Variants in LRP1B observed in about 807,000 individuals in gnomAD.
LRP1B encodes the protein LDL receptor related protein 1B, also known as low-density lipoprotein receptor-related protein 1B.
A neutral mutation model predicts 556.6 loss-of-function variants in LRP1B; 217 were observed. The observed-to-expected ratio is 0.39, with a 90% confidence interval of 0.35 to 0.44. LRP1B has a LOEUF of 0.44. LRP1B is among the 20% of genes least tolerant of loss of function. The pLI is 1.00. For missense variants in LRP1B, 5,053 were observed against 5,620.8 expected, an observed-to-expected ratio of 0.90 and a Z score of 3.23; for synonymous variants, 2,047 against 1,865.8, an observed-to-expected ratio of 1.10 and a Z score of -2.50.
At chr2:141,384,615 A>G (rs1425660154) in intron 3 of LRP1B, among the ~76,000 whole-genome samples, 2 of 152,084 alleles carry the variant, frequency 1.3e-5, no homozygotes, top group African/African-American at 4.8e-5. Context: ...TATTGCCTTC[A>G]TGTCTTTATG....
chr2:140,629,481 C>T (rs572656723), intron 41 of LRP1B, among the ~76,000 whole-genome samples: 7 of 150,160 alleles, frequency 4.7e-5, no homozygotes, highest in Admixed American at 2.0e-4. Context: ...TAAAAACAGG[C>T]TTATGTATTC....
chr2:140,559,370 T>C (rs1176147912), intron 43 of LRP1B, among the ~76,000 whole-genome samples: 1 of 152,122 alleles, frequency 6.6e-6, no homozygotes, highest in Non-Finnish European at 1.5e-5. Context: ...ATGTAGAATA[T>C]ATTAAAAGTT....
intron 3 of LRP1B, among the ~76,000 whole-genome samples, chr2:141,400,906 C>T (rs925764823): frequency 2.6e-5 from 4 of 152,180 alleles, no homozygotes; most frequent in African/African-American, 9.7e-5. Context: ...ATCAATCAAG[C>T]CTTACATACC....
intron 1 of LRP1B, among the ~76,000 whole-genome samples, chr2:141,933,131 G>T (rs577483660): frequency 8.2e-4 from 124 of 151,630 alleles, no homozygotes; most frequent in Middle Eastern, 3.4e-3. Context: ...TAATCTACAG[G>T]TTACCTCAGA....
At chr2:140,818,967 G>A (rs1238495293) in intron 31 of LRP1B, among the ~76,000 whole-genome samples, 2 of 145,516 alleles carry the variant, frequency 1.4e-5, no homozygotes, top group African/African-American at 5.2e-5. Context: ...AAAAGAGAAT[G>A]TGCTGAGGAA....
At chr2:141,179,011 G>A (rs1489326063) in intron 7 of LRP1B, among the ~76,000 whole-genome samples, 1 of 151,940 alleles carries the variant, frequency 6.6e-6, no homozygotes, top group African/African-American at 2.4e-5. Flanking sequence ...TAAGAAGATT[G>A]TTCTATTGAT....
Position 140,506,819 on chromosome 2 carries a change from C to A in LRP1B, c.8498G>T (p.Gly2833Val), listed in dbSNP as rs1689435766. Residue 2833 changes from glycine (G) to valine (V), a missense_variant, in exon 53 of 91, where the codon GGC (glycine) becomes GTC (valine). Transcript: ENST00000389484. The stretch of plus-strand genomic sequence containing the variant: ...ACCACACTGCGGTGACTCATCAGAG[C>A]CATCTCCACAGTCGTCATCATGGTC... The part of the protein sequence containing the change: ...VCDHDDDCGD[G>V]SDESPQCGYR... 1 of 1,613,656 alleles carries A rather than the reference C, an allele frequency of 6.2e-7. No homozygotes were observed. The highest frequency in any genetic ancestry group is 1.3e-5 in the African/African-American group (1 of 74,898).
At chr2:140,594,672 A>G (rs1323870287) in intron 43 of LRP1B, among the ~76,000 whole-genome samples, 2 of 152,118 alleles carry the variant, frequency 1.3e-5, no homozygotes, top group Non-Finnish European at 2.9e-5. Context: ...GCTTCTTTCT[A>G]ATCTTTTCAC....
intron 3 of LRP1B, among the ~76,000 whole-genome samples, chr2:141,427,077 A>G (rs1680394195): frequency 6.6e-6 from 1 of 152,108 alleles, no homozygotes; most frequent in Non-Finnish European, 1.5e-5. Context: ...CCCTGTGTCC[A>G]TGAGTTCTCA....
chr2:141,423,748 A>G (rs1023548953), intron 3 of LRP1B, among the ~76,000 whole-genome samples: 29 of 152,228 alleles, frequency 1.9e-4, no homozygotes, highest in African/African-American at 6.0e-4. Flanking sequence ...CTATGCTTTA[A>G]AACAAACATT....
chr2:141,365,869 T>G (rs1338491473), intron 3 of LRP1B, among the ~76,000 whole-genome samples: 1 of 152,036 alleles, frequency 6.6e-6, no homozygotes, highest in Non-Finnish European at 1.5e-5. Flanking sequence ...GAGACGGGGT[T>G]TCACCGTGTT....
chr2:141,005,646 A>G (rs1697552017), intron 14 of LRP1B, among the ~76,000 whole-genome samples, 189 bp from the exon 15 acceptor site: 1 of 152,082 alleles, frequency 6.6e-6, no homozygotes, highest in Admixed American at 6.6e-5. Context: ...ATTGGTAGAT[A>G]AGGAGAATTT....
At chr2:140,604,792 G>T (rs1348644865) in intron 41 of LRP1B, among the ~76,000 whole-genome samples, 1 of 151,760 alleles carries the variant, frequency 6.6e-6, no homozygotes, top group African/African-American at 2.4e-5. Flanking sequence ...GGGGGTAATT[G>T]AATCACAGTG....
At chr2:140,940,207 A>G (rs1294341536) in intron 20 of LRP1B, among the ~76,000 whole-genome samples, 1 of 152,030 alleles carries the variant, frequency 6.6e-6, no homozygotes, top group African/African-American at 2.4e-5. Context: ...ATTGTTACAA[A>G]CATTTCTGAA....
intron 3 of LRP1B, among the ~76,000 whole-genome samples, chr2:141,415,586 T>A (rs1037765966): frequency 4.6e-5 from 7 of 152,228 alleles, no homozygotes; most frequent in African/African-American, 1.4e-4. Flanking sequence ...TAGATTTATT[T>A]TATTTTTCCT....
chr2:140,746,659 G>GT (rs1021598565), intron 35 of LRP1B, among the ~76,000 whole-genome samples: 11 of 151,982 alleles, frequency 7.2e-5, no homozygotes, highest in African/African-American at 1.9e-4. Context: ...GCCATGTTTT[G>GT]TTTTTTTCTC....
intron 6 of LRP1B, among the ~76,000 whole-genome samples, chr2:141,216,910 C>A (rs575503015): frequency 1.3e-5 from 2 of 152,194 alleles, no homozygotes; most frequent in African/African-American, 4.8e-5. Context: ...CTTGATTTTA[C>A]AGGCTTATAA....
intron 27 of LRP1B, among the ~76,000 whole-genome samples, chr2:140,862,802 G>A (rs1461616243): frequency 6.6e-6 from 1 of 152,182 alleles, no homozygotes; most frequent in Non-Finnish European, 1.5e-5. Flanking sequence ...TGGGTTAGAA[G>A]TTTCCTGCCC....
intron 7 of LRP1B, among the ~76,000 whole-genome samples, chr2:141,130,513 A>C (rs146770668): frequency 0.015 from 2,216 of 152,192 alleles, 23 homozygotes; most frequent in Middle Eastern, 0.048. Flanking sequence ...TTTATAGAGC[A>C]CTATTTGGAA....
Sources: gnomAD v4.1 joint callset for allele counts (sites outside exome capture counted in the v4.1 genomes callset) on GRCh38, gnomAD v4.1.1 for gene constraint, MANE v1.5 for transcripts, NCBI Gene and HGNC (gene_info 2026-07-23, HGNC 2026-07-21) for gene names.